TEK: variants seen among roughly 807,000 people sequenced by gnomAD.
TEK encodes TEK receptor tyrosine kinase.
TEK carries 43 observed loss-of-function variants against 131.8 expected under a neutral mutation model. The ratio of observed to expected loss-of-function variants is 0.33; its 90% CI spans 0.26 to 0.42. The LOEUF (loss-of-function observed/expected upper bound fraction) is 0.42. Among genes scored for constraint, TEK ranks in the 10% least tolerant of loss-of-function variants. TEK has a pLI of 1.00. For synonymous variants in TEK, 580 were observed against 491.6 expected (o/e 1.18, Z -2.38); for missense variants, 1,162 against 1,384.4 (o/e 0.84, Z 2.55).
In TEK at chr9:27,147,554, T is replaced by A. The variant is rs115129839; in HGVS notation, c.53-10277T>A. Among the ~76,000 whole-genome samples the A allele has an allele frequency of 8.6e-3, 1,308 of 152,276 alleles. 16 individuals carry two copies. Among genetic ancestry groups the A allele is most frequent in the African/African-American group, 0.03 (1,247 of 41,564 alleles). ...TTGTCCTTTTATTTTCTTAACAATG[T>A]CTTCCATAGACTAAAGTTTTAAATC... On this transcript the variant is annotated intron_variant, in intron 1 of 22. Transcript: ENST00000380036.
Position 27,204,921 on chromosome 9 carries a change from C to T in TEK, c.2220C>T (p.Asp740=), listed in dbSNP as rs759108843. ...VTLPESQAPA[D]LGGGKMLLIA... ...TGTCTTCCTGCACAGCACCAGCGGA[C>T]CTCGGAGGGGGGAAGATGCTGCTTA... Residue 740 remains aspartate, a synonymous_variant, in exon 14 of 23, where the codon GAC becomes GAT. Transcript: ENST00000380036. 1 of 1,613,926 alleles carries T rather than the reference C, an allele frequency of 6.2e-7. No individual in the cohort carries two copies. Among genetic ancestry groups the T allele is most frequent in the Non-Finnish European group, 8.5e-7 (1 of 1,179,880 alleles).
At chr9:27,220,679 CG>C (rs1211336543) in intron 21 of TEK, among the ~76,000 whole-genome samples, 1 of 152,182 alleles carries the variant, frequency 6.6e-6, no homozygotes, top group Non-Finnish European at 1.5e-5. Context: ...ACCTGGGAAG[CG>C]CAAGGGGTTG....
chr9:27,172,812 T>A, intron 5 of TEK, 65 bp downstream of exon 5: 1 of 1,599,964 alleles, frequency 6.3e-7, no homozygotes, highest in Non-Finnish European at 8.5e-7. Flanking sequence ...GATCTAGAAT[T>A]TTAGATCTCG....
In TEK at chr9:27,202,939, C is replaced by A. The variant is rs748717101; in HGVS notation, c.2029C>A (p.Gln677Lys). ...ISSITIRYKVQGKNEDQHVDV... is the reference protein window; with the variant it reads ...ISSITIRYKVKGKNEDQHVDV... The stretch of plus-strand genomic sequence containing the variant: ...TTCTATTACTATCCGTTACAAGGTT[C>A]AAGGCAAGAATGAAGACCAGCACGT... Residue 677 changes from glutamine to lysine, a missense_variant, in exon 13 of 23, where the codon CAA (glutamine) becomes AAA (lysine). By Grantham distance (53) the Gln-to-Lys change is moderately conservative. Coordinates refer to ENST00000380036, the MANE Select transcript of TEK (RefSeq NM_000459.5). The A allele has an allele frequency of 2.8e-5, 45 of 1,613,968 alleles. 1 individual carries two copies. The East Asian group carries it at 8.0e-4, about 29-fold the overall frequency.
intron 1 of TEK, among the ~76,000 whole-genome samples, chr9:27,138,367 A>G (rs1458395524): frequency 6.6e-6 from 1 of 152,194 alleles, no homozygotes; most frequent in Non-Finnish European, 1.5e-5. Context: ...TCCTTTTTAC[A>G]GAGAGCTGAT....
chr9:27,202,110 C>T (rs1425838756), intron 12 of TEK, among the ~76,000 whole-genome samples: 1 of 152,162 alleles, frequency 6.6e-6, no homozygotes, highest in Non-Finnish European at 1.5e-5. Context: ...AGTGATGCTG[C>T]GGTGCCTGTC....
chr9:27,130,705 T>A (rs1276560575), intron 1 of TEK, among the ~76,000 whole-genome samples: 1 of 148,020 alleles, frequency 6.8e-6, no homozygotes, highest in Non-Finnish European at 1.5e-5. Context: ...GCCTCCTGAG[T>A]AGCTGGGATT....
intron 7 of TEK, among the ~76,000 whole-genome samples, chr9:27,182,773 G>C (rs976497006): frequency 1.3e-5 from 2 of 151,896 alleles, no homozygotes; most frequent in African/African-American, 4.8e-5. Flanking sequence ...TGTTAGGCAA[G>C]AAATCCTGAC....
At chr9:27,129,566 G>C (rs1485821497) in intron 1 of TEK, among the ~76,000 whole-genome samples, 2 of 152,116 alleles carry the variant, frequency 1.3e-5, no homozygotes, top group South Asian at 4.1e-4. Flanking sequence ...CAGGAGCTCT[G>C]TATTGTTACT....
chr9:27,128,008 C>T (rs1048449925), intron 1 of TEK, among the ~76,000 whole-genome samples: 6 of 152,134 alleles, frequency 3.9e-5, no homozygotes, highest in African/African-American at 1.2e-4. Flanking sequence ...ATTTTGGCTT[C>T]TGTTGCGATT....
Position 27,229,699 on chromosome 9 carries a change from G to T in TEK, c.*467G>T. 1 of 174,690 alleles carries T rather than the reference G, an allele frequency of 5.7e-6. No homozygotes were observed. The highest frequency in any genetic ancestry group is 1.2e-5 in the Non-Finnish European group (1 of 80,308). The allele number at this position is 174,690 out of a possible 1,614,324, so 10.8% of individuals were successfully genotyped here. A position where few individuals can be genotyped will look rare whatever the true frequency, so the allele number is the denominator to read the frequency against. On this transcript the variant is annotated 3_prime_UTR_variant, in exon 23 of 23. Coordinates refer to ENST00000380036, the MANE Select transcript of TEK (RefSeq NM_000459.5). ...ACTATATGAATTCTAACAAGTCATA[G>T]GTTAATATTTAAGACACTGAAAAAT...
Position 27,169,494 on chromosome 9 carries a change from G to T in TEK, c.493G>T (p.Val165Leu). The T allele has an allele frequency of 6.2e-7, 1 of 1,614,030 alleles. No homozygotes were observed. The change falls in exon 4 of 23, where the codon GTG becomes TTG. Residue 165 changes from valine (V) to leucine (L), a missense_variant. Val to Leu is a conservative substitution (Grantham distance 32, BLOSUM62 1). Transcript: ENST00000380036. Reference sequence around the variant, plus strand: ...CTTACTAGGTTCCTTCATCCATTCAGTGCCCCGGCATGAAGTACCTGATAT... The same window carrying T: ...CTTACTAGGTTCCTTCATCCATTCATTGCCCCGGCATGAAGTACCTGATAT... Reference protein sequence around the residue: ...IYKNGSFIHSVPRHEVPDILE... With the variant: ...IYKNGSFIHSLPRHEVPDILE...
chr9:27,166,390 T>C (rs1823731504), intron 2 of TEK, among the ~76,000 whole-genome samples: 1 of 152,264 alleles, frequency 6.6e-6, no homozygotes, highest in African/African-American at 2.4e-5. Context: ...GATTAATTTC[T>C]GAAAGTTTCC....
Position 27,158,025 on chromosome 9 carries a change from G to A in TEK, c.247G>A (p.Ala83Thr). ...TACTCAAGATGTGACCAGAGAATGG[G>A]CTAAAAAAGTTGTTTGGAAGAGAGA... ...EVTQDVTREW[A>T]KKVVWKREKA... The change falls in exon 2 of 23, where the codon GCT (alanine) becomes ACT (threonine). Residue 83 changes from alanine to threonine, a missense_variant. By Grantham distance (58) the Ala-to-Thr change is moderately conservative. Coordinates refer to ENST00000380036, the MANE Select transcript of TEK (RefSeq NM_000459.5). The A allele has an allele frequency of 6.2e-7, 1 of 1,614,096 alleles. No individual in the cohort carries two copies. The highest frequency in any genetic ancestry group is 8.5e-7 in the Non-Finnish European group (1 of 1,180,014).
chr9:27,135,847 C>T (rs1822407432), intron 1 of TEK, among the ~76,000 whole-genome samples: 2 of 152,144 alleles, frequency 1.3e-5, no homozygotes, highest in African/African-American at 2.4e-5. Flanking sequence ...TTTAAAACAT[C>T]ACCATGATGA....
intron 12 of TEK, among the ~76,000 whole-genome samples, chr9:27,199,530 G>A (rs1825146159): frequency 6.6e-6 from 1 of 152,144 alleles, no homozygotes; most frequent in Non-Finnish European, 1.5e-5. Context: ...ACTCGATAGT[G>A]TCACACCTTT....
In TEK at chr9:27,168,566, G is replaced by T. The variant is rs894186550; in HGVS notation, c.436G>T (p.Val146Leu). The T allele has an allele frequency of 6.2e-6, 10 of 1,613,706 alleles. No homozygotes were observed. The highest frequency in any genetic ancestry group is 7.6e-6 in the Non-Finnish European group (9 of 1,179,818). The change falls in exon 3 of 23, where the codon GTA (valine) becomes TTA (leucine). Residue 146 changes from valine (V) to leucine (L), a missense_variant. Val to Leu is a conservative substitution (Grantham distance 32). Transcript: ENST00000380036. ...GDNVNISFKK[V>L]LIKEEDAVIY... is the part of the protein sequence containing the mutation. Reference sequence around the variant, plus strand: ...TAACGTGAACATATCTTTCAAAAAGGTATTGATTAAAGAAGAAGATGCAGT... The same window carrying T: ...TAACGTGAACATATCTTTCAAAAAGTTATTGATTAAAGAAGAAGATGCAGT...
At chr9:27,159,158 A>G (rs1261479786) in intron 2 of TEK, among the ~76,000 whole-genome samples, 1 of 152,170 alleles carries the variant, frequency 6.6e-6, no homozygotes, top group African/African-American at 2.4e-5. Flanking sequence ...GGCTGGGGCA[A>G]CTTTGCTCAG....
At chr9:27,158,246 T>C (rs1451441181) in intron 2 of TEK, 104 bp downstream of exon 2, 12 of 1,298,564 alleles carry the variant, frequency 9.2e-6, no homozygotes, top group Middle Eastern at 2.0e-4. Flanking sequence ...ACTACCTGAA[T>C]GTAGAGCTTG....
Sources: allele counts gnomAD v4.1 joint callset (sites outside exome capture counted in the v4.1 genomes callset), GRCh38; gene constraint gnomAD v4.1.1; transcripts MANE v1.5; gene names NCBI Gene and HGNC (gene_info 2026-07-23, HGNC 2026-07-21).